The following KDM4B variants were observed in gnomAD, a reference collection of about 807,000 sequenced individuals.
KDM4B encodes lysine demethylase 4B, also known as lysine-specific demethylase 4B.
A neutral mutation model predicts 125.2 loss-of-function variants in KDM4B; 32 were observed. The observed-to-expected ratio is 0.26, with a 90% confidence interval of 0.19 to 0.34. The LOEUF (loss-of-function observed/expected upper bound fraction) is 0.34, where lower values mean the gene tolerates loss of function less well. Ranked by LOEUF, KDM4B falls within the 10% of genes least tolerant of loss-of-function variation. KDM4B has a pLI of 1.00. For missense variants in KDM4B, 1,190 were observed against 1,577.7 expected (o/e 0.75, Z 4.16); for synonymous variants, 721 against 677.9 (o/e 1.06, Z -0.99).
intron 6 of KDM4B, among the ~76,000 whole-genome samples, chr19:5,054,686 C>T (rs1399762485): frequency 6.6e-6 from 1 of 152,200 alleles, no homozygotes; most frequent in East Asian, 1.9e-4. Context: ...GCTGAGCTGC[C>T]AGCAGGGCAT....
At chr19:5,136,267 G>C (rs2039646821) in intron 15 of KDM4B, among the ~76,000 whole-genome samples, 1 of 152,214 alleles carries the variant, frequency 6.6e-6, no homozygotes, top group Non-Finnish European at 1.5e-5. Context: ...ATTTATCTCT[G>C]CTCTCAGGGA....
chr19:5,072,542 C>T (rs1315569226), intron 7 of KDM4B, among the ~76,000 whole-genome samples: 1 of 152,180 alleles, frequency 6.6e-6, no homozygotes, highest in Non-Finnish European at 1.5e-5. Context: ...AGCAAAGGTC[C>T]AGCTCACTTA....
Position 5,053,109 on chromosome 19 carries a change from T to C in KDM4B, c.626+5440T>C, listed in dbSNP as rs117748519. Among the ~76,000 whole-genome samples the C allele has an allele frequency of 8.1e-4, 124 of 152,324 alleles. No homozygotes were observed. The East Asian group carries it at 0.021, about 26-fold the overall frequency. ...TGGAAATTGCCTGGAGCCTGACAGC[T>C]TCACAGATTGGTTTTAATAACTCAG... On this transcript the variant is annotated intron_variant, in intron 6 of 22. Transcript: ENST00000159111.
At chr19:5,133,175 G>A (rs1462689331) in intron 13 of KDM4B, among the ~76,000 whole-genome samples, 1 of 152,218 alleles carries the variant, frequency 6.6e-6, no homozygotes, top group African/African-American at 2.4e-5. Context: ...GGAGATTGGG[G>A]TGCGGCAGCT....
chr19:5,057,026 A>ATGTGTGTGTGTGTGTGTG (rs1404957430), intron 6 of KDM4B, among the ~76,000 whole-genome samples: 1 of 124,894 alleles, frequency 8.0e-6, no homozygotes, highest in African/African-American at 3.6e-5. Context: ...CCAGATATAT[A>ATGTGTGTGTGTGTGTGTG]TGCGTGTGTG....
At chr19:5,060,273 T>C (rs1394701669) in intron 6 of KDM4B, among the ~76,000 whole-genome samples, 2 of 151,980 alleles carry the variant, frequency 1.3e-5, no homozygotes, top group Non-Finnish European at 2.9e-5. Flanking sequence ...ACCCCGTCTC[T>C]ATTAAAAATA....
chr19:5,102,997 CG>C (rs2038967421), intron 9 of KDM4B, among the ~76,000 whole-genome samples: 2 of 152,252 alleles, frequency 1.3e-5, no homozygotes, highest in South Asian at 4.1e-4. Context: ...CTCCTGGCAA[CG>C]GCCCTGCCCA....
chr19:4,999,548 A>G (rs943187252), intron 1 of KDM4B, among the ~76,000 whole-genome samples: 3 of 152,144 alleles, frequency 2.0e-5, no homozygotes. Flanking sequence ...AGGTCCTCTA[A>G]TCAGACAGAG....
chr19:5,027,676 G>A (rs1428008761), intron 2 of KDM4B, among the ~76,000 whole-genome samples: 2 of 151,370 alleles, frequency 1.3e-5, no homozygotes, highest in Admixed American at 1.3e-4. Context: ...GAGTAGCTGG[G>A]GTTACAGGCA....
chr19:5,041,179 C>A lies in KDM4B; in HGVS notation c.360C>A (p.Arg120=), dbSNP rs147923352. 5.0e-6 allele frequency: 8 copies of A among 1,612,958 alleles called. No individual in the cohort carries two copies. Among genetic ancestry groups the A allele is most frequent in the Admixed American group, 1.7e-5 (1 of 59,958 alleles). The change falls in exon 5 of 23, where the codon CGC becomes CGA. Residue 120 remains arginine, a synonymous_variant. Coordinates refer to ENST00000159111, the MANE Select transcript of KDM4B (RefSeq NM_015015.3). ...ACCAGGACTTTGATGACCTTGAACGCAAATACTGGAAGAACCTCACCTTTG... is the reference window on the plus strand; with the variant it reads ...ACCAGGACTTTGATGACCTTGAACGAAAATACTGGAAGAACCTCACCTTTG... The part of the protein sequence containing the change: ...PRHQDFDDLE[R]KYWKNLTFVS...
intron 6 of KDM4B, among the ~76,000 whole-genome samples, chr19:5,050,247 C>T (rs1197759102): frequency 6.6e-6 from 1 of 152,224 alleles, no homozygotes; most frequent in African/African-American, 2.4e-5. Context: ...GTCAAAGTGA[C>T]GTGAACAGCC....
chr19:5,017,986 A>C (rs2035946336), intron 2 of KDM4B, among the ~76,000 whole-genome samples: 1 of 151,770 alleles, frequency 6.6e-6, no homozygotes, highest in South Asian at 2.1e-4. Context: ...TGATCCGCCC[A>C]CCTTGGCCTC....
At chr19:5,068,484 C>G (rs935633620) in intron 6 of KDM4B, among the ~76,000 whole-genome samples, 3 of 152,016 alleles carry the variant, frequency 2.0e-5, no homozygotes, top group African/African-American at 7.2e-5. Flanking sequence ...CCTGTGTGGA[C>G]GGAGCGTGGC....
intron 9 of KDM4B, among the ~76,000 whole-genome samples, chr19:5,087,078 C>T (rs903648051): frequency 6.6e-6 from 1 of 152,226 alleles, no homozygotes; most frequent in Non-Finnish European, 1.5e-5. Context: ...GCAGGGCTGG[C>T]GCCTGCCTGA....
chr19:5,069,898 C>T (rs1454607404), intron 6 of KDM4B, among the ~76,000 whole-genome samples: 3 of 152,170 alleles, frequency 2.0e-5, no homozygotes, highest in African/African-American at 4.8e-5. Context: ...TGAGCCACCG[C>T]GCCTGGCTTC....
intron 6 of KDM4B, among the ~76,000 whole-genome samples, chr19:5,069,455 G>A (rs928513412): frequency 1.3e-5 from 2 of 150,264 alleles, no homozygotes; most frequent in East Asian, 2.0e-4. Flanking sequence ...GATTACAGGC[G>A]CCTGCCACCA....
chr19:5,009,447 T>G (rs1248746286), intron 1 of KDM4B, among the ~76,000 whole-genome samples: 1 of 152,182 alleles, frequency 6.6e-6, no homozygotes, highest in Non-Finnish European at 1.5e-5. Context: ...TGTGGTGGTG[T>G]CCACTTGGTT....
chr19:5,100,720 G>T (rs2038914499), intron 9 of KDM4B, among the ~76,000 whole-genome samples: 1 of 152,086 alleles, frequency 6.6e-6, no homozygotes, highest in African/African-American at 2.4e-5. Context: ...TGGCCTCTTT[G>T]TCTTTTTTAT....
intron 1 of KDM4B, among the ~76,000 whole-genome samples, chr19:4,969,508 G>C (rs1324200261): frequency 2.7e-5 from 4 of 149,746 alleles, no homozygotes; most frequent in Non-Finnish European, 6.0e-5. Flanking sequence ...GCCCCTTCCC[G>C]GGCCGGGGGC....
Sources: gnomAD v4.1 joint callset for allele counts (sites outside exome capture counted in the v4.1 genomes callset) on GRCh38, gnomAD v4.1.1 for gene constraint, MANE v1.5 for transcripts, NCBI Gene and HGNC (gene_info 2026-07-23, HGNC 2026-07-21) for gene names.